TIMM17A: variants seen among roughly 807,000 people sequenced by gnomAD.
TIMM17A encodes translocase of inner mitochondrial membrane 17A.
Under a neutral mutation model 26.5 loss-of-function variants are expected in TIMM17A, and 15 were observed. The ratio of observed to expected loss-of-function variants is 0.57; its 90% confidence interval spans 0.38 to 0.87. The LOEUF (loss-of-function observed/expected upper bound fraction) is 0.87. Ranked by LOEUF, TIMM17A falls within the 40% of genes least tolerant of loss-of-function variation. The pLI is 0.00. For missense variants in TIMM17A, 201 were observed against 210.0 expected (o/e 0.96, Z 0.27); for synonymous variants, 80 against 70.8 (o/e 1.13, Z -0.66).
chr1:201,967,137 TA>T (rs1342544857), intron 5 of TIMM17A, among the ~76,000 whole-genome samples: 14 of 151,916 alleles, frequency 9.2e-5, no homozygotes, highest in South Asian at 2.1e-4. Context: ...AGATTCAGCA[TA>T]AAGTTAGGAA....
At chr1:201,968,400 G>GTT (rs546046760) in intron 5 of TIMM17A, among the ~76,000 whole-genome samples, 4 of 141,152 alleles carry the variant, frequency 2.8e-5, no homozygotes, top group Admixed American at 7.1e-5. Flanking sequence ...GTTTTTGTTT[G>GTT]TTTTTTTTTT....
At chr1:201,957,775 G>T (rs912015707) in intron 3 of TIMM17A, 10 of 498,572 alleles carry the variant, frequency 2.0e-5, no homozygotes, top group Admixed American at 7.9e-5. Flanking sequence ...TGAAAATCTT[G>T]TCTCTGTCCT....
At chr1:201,960,909 CG>C (rs1281632851) in intron 3 of TIMM17A, among the ~76,000 whole-genome samples, 6 of 151,600 alleles carry the variant, frequency 4.0e-5, no homozygotes, top group Non-Finnish European at 8.8e-5. Flanking sequence ...CCACCACAGC[CG>C]GGATAATTTT....
chr1:201,967,378 C>T (rs1682652175), intron 5 of TIMM17A, among the ~76,000 whole-genome samples: 2 of 152,034 alleles, frequency 1.3e-5, no homozygotes, highest in African/African-American at 4.8e-5. Flanking sequence ...GTGTGAAAGA[C>T]TTTACATAAA....
chr1:201,958,754 A>G (rs888016284), intron 3 of TIMM17A, among the ~76,000 whole-genome samples: 3 of 152,212 alleles, frequency 2.0e-5, no homozygotes, highest in Admixed American at 1.3e-4. Flanking sequence ...TATATAAGAC[A>G]TGAAAAAATC....
intron 5 of TIMM17A, among the ~76,000 whole-genome samples, chr1:201,966,991 T>TTATGTGTGTGTGTG (rs572223784): frequency 0.067 from 8,851 of 132,894 alleles, 381 homozygotes; most frequent in Middle Eastern, 0.14. Flanking sequence ...ATTATATATG[T>TTATGTGTGTGTGTG]TGTGTGTGTG....
At chr1:201,960,005 A>AATAC (rs1251045177) in intron 3 of TIMM17A, among the ~76,000 whole-genome samples, 1 of 151,836 alleles carries the variant, frequency 6.6e-6, no homozygotes, top group Non-Finnish European at 1.5e-5. Flanking sequence ...TCTCAAAATA[A>AATAC]ATAAATAAAT....
chr1:201,959,607 T>C (rs927299287), intron 3 of TIMM17A, among the ~76,000 whole-genome samples: 1 of 152,062 alleles, frequency 6.6e-6, no homozygotes, highest in African/African-American at 2.4e-5. Flanking sequence ...TGAGCCAAGA[T>C]TGTGCCATTG....
chr1:201,957,459 T>A lies in TIMM17A; in HGVS notation c.127-52T>A. On this transcript the variant is annotated intron_variant, in intron 2 of 5. Transcript: ENST00000367287. ...TATTACTGGTGGTCCCATCAGTGGC[T>A]TAGAAATGTACTTCTAATATATTTT... The A allele has an allele frequency of 2.5e-6, 4 of 1,602,046 alleles. No homozygotes were observed. The Admixed American group carries it at 6.7e-5, about 27-fold the overall frequency.
chr1:201,955,729 A>G (rs1682397830), intron 1 of TIMM17A, among the ~76,000 whole-genome samples, 177 bp downstream of exon 1: 1 of 151,272 alleles, frequency 6.6e-6, no homozygotes, highest in Non-Finnish European at 1.5e-5. Flanking sequence ...TGTACTTAGT[A>G]CCTCCCCGGC....
intron 5 of TIMM17A, among the ~76,000 whole-genome samples, chr1:201,967,057 T>G (rs997059045): frequency 1.4e-5 from 2 of 146,122 alleles, no homozygotes; most frequent in Non-Finnish European, 1.5e-5. Context: ...AAATTTGACC[T>G]GGCATTTGGG....
At chr1:201,959,497 T>TA (rs574338406) in intron 3 of TIMM17A, among the ~76,000 whole-genome samples, 1 of 143,276 alleles carries the variant, frequency 7.0e-6, no homozygotes, top group South Asian at 2.3e-4. Context: ...CTACTAAAAA[T>TA]ACAAAAATTA....
Position 201,955,540 on chromosome 1 carries a change from C to A in TIMM17A, c.14C>A (p.Ala5Glu). 1 of 1,614,264 alleles carries A rather than the reference C, an allele frequency of 6.2e-7. No individual in the cohort carries two copies. The highest frequency in any genetic ancestry group is 8.5e-7 in the Non-Finnish European group (1 of 1,180,048). ...ATTGGAGTCAAGATGGAGGAGTACG[C>A]GCGAGAGCCTTGGTGAGCTTCACCG... MEEY[A>E]REPCPWRIVD... is the part of the protein sequence containing the mutation. Residue 5 changes from alanine (A) to glutamate (E), a missense_variant, in exon 1 of 6, where the codon GCG (alanine) becomes GAG (glutamate). Physicochemically the swap from Ala to Glu is moderately radical, Grantham distance 107. Transcript: ENST00000367287.
intron 5 of TIMM17A, among the ~76,000 whole-genome samples, chr1:201,966,991 T>TTATGTGTGTGTGTGTGTGTGTGTG (rs572223784): frequency 2.4e-3 from 325 of 133,072 alleles, no homozygotes; most frequent in Non-Finnish European, 2.8e-3. Context: ...ATTATATATG[T>TTATGTGTGTGTGTGTGTGTGTGTG]TGTGTGTGTG....
In TIMM17A at chr1:201,962,639, C is replaced by T. The variant is rs555771531; in HGVS notation, c.191-977C>T. ...TGCTGGGATTGTAGGCGTGAGCTACCGCACCTGGCTGTTTTTGTATTTAGA... is the reference window on the plus strand; with the variant it reads ...TGCTGGGATTGTAGGCGTGAGCTACTGCACCTGGCTGTTTTTGTATTTAGA... On this transcript the variant is annotated intron_variant, in intron 3 of 5. Transcript: ENST00000367287. 2.0e-5 allele frequency: 3 copies of T among 152,324 alleles called. No individual in the cohort carries two copies. The East Asian group carries it at 5.8e-4, about 29-fold the overall frequency. The allele number at this position is 152,324 out of a possible 1,614,324, so 9.4% of individuals were successfully genotyped here. A position where few individuals can be genotyped will look rare whatever the true frequency, so the allele number is the denominator to read the frequency against.
intron 5 of TIMM17A, among the ~76,000 whole-genome samples, chr1:201,967,400 G>A (rs1369387893): frequency 6.6e-6 from 1 of 152,080 alleles, no homozygotes; most frequent in Non-Finnish European, 1.5e-5. Flanking sequence ...CATCAAAACA[G>A]TTCCATATTC....
chr1:201,957,542 C>T lies in TIMM17A; in HGVS notation c.158C>T (p.Thr53Ile). Residue 53 changes from threonine (T) to isoleucine (I), a missense_variant, in exon 3 of 6, where the codon ACA (threonine) becomes ATA (isoleucine). Transcript: ENST00000367287. ...AACCACAGACTACGAGGGAGTTTGA[C>T]AGCTATTAAAACCAGGGCTCCACAG... ...GVNHRLRGSL[T>I]AIKTRAPQLG... 1 of 1,613,712 alleles carries T rather than the reference C, an allele frequency of 6.2e-7. No individual in the cohort carries two copies. Among genetic ancestry groups the T allele is most frequent in the Non-Finnish European group, 8.5e-7 (1 of 1,179,988 alleles).
chr1:201,960,818 G>A (rs1042640079), intron 3 of TIMM17A, among the ~76,000 whole-genome samples: 1 of 151,476 alleles, frequency 6.6e-6, no homozygotes, highest in Admixed American at 6.6e-5. Flanking sequence ...GCACAGTCTT[G>A]GCTCACTGCA....
chr1:201,969,540 C>T lies in TIMM17A; in HGVS notation c.502C>T (p.Arg168Ter), dbSNP rs763934715. 38 of 1,613,526 alleles carry T rather than the reference C, an allele frequency of 2.4e-5. No individual in the cohort carries two copies. The highest frequency in any genetic ancestry group is 5.0e-5 in the Admixed American group (3 of 59,976). ...ACCTTCCTCACCTTTTGGAGACTAT[C>T]GACAATATCAGTAGGACTTCTTTCC... The part of the protein sequence containing the change: ...QLPSSPFGDY[R>*]QYQ The change falls in exon 6 of 6, where the codon CGA becomes TGA. Residue 168 changes from arginine (R) to a stop codon, truncating the protein, a stop_gained. Coordinates refer to ENST00000367287, the MANE Select transcript of TIMM17A (RefSeq NM_006335.3). LOFTEE classifies it high-confidence loss of function.
Sources: allele counts gnomAD v4.1 joint callset (sites outside exome capture counted in the v4.1 genomes callset), GRCh38; gene constraint gnomAD v4.1.1; transcripts MANE v1.5; gene names NCBI Gene and HGNC (gene_info 2026-07-23, HGNC 2026-07-21).